DGKE: variants seen among roughly 807,000 people sequenced by gnomAD.
The protein encoded by DGKE is DAG kinase epsilon.
DGKE carries 53 observed loss-of-function variants against 70.0 expected under a neutral mutation model. The observed-to-expected ratio is 0.76, with a 90% CI of 0.61 to 0.95. The LOEUF is 0.95. Ranked by LOEUF, DGKE falls within the 40% of genes least tolerant of loss-of-function variation. The pLI, the probability that DGKE is intolerant of heterozygous loss-of-function variation, is 0.00. For missense variants in DGKE, 655 were observed against 706.9 expected (o/e 0.93, Z 0.83); for synonymous variants, 291 against 257.0 (o/e 1.13, Z -1.27).
intron 8 of DGKE, 56 bp from the exon 9 acceptor site, chr17:56,858,538 T>C (rs1908088784): frequency 7.0e-7 from 1 of 1,423,388 alleles, no homozygotes; most frequent in Non-Finnish European, 9.6e-7. Context: ...TATTTTTTCT[T>C]ATTGTTTACA....
intron 2 of DGKE, among the ~76,000 whole-genome samples, chr17:56,840,173 A>G (rs1356942030): frequency 6.6e-6 from 1 of 152,178 alleles, no homozygotes; most frequent in Non-Finnish European, 1.5e-5. Context: ...TCAAAAAATA[A>G]TAGTAATAAT....
At chr17:56,838,053 A>G (rs557011286) in intron 2 of DGKE, among the ~76,000 whole-genome samples, 1 of 152,268 alleles carries the variant, frequency 6.6e-6, no homozygotes, top group South Asian at 2.1e-4. Context: ...TACATATTCA[A>G]TATATTTATT....
chr17:56,834,879 C>T lies in DGKE; in HGVS notation c.84C>T (p.Cys28=), dbSNP rs1433783652. ...GGCACCTGATCTTGTGGACGCTGTG[C>T]TCGGTCCTGCTGCCGGTGTTCATCA... The part of the protein sequence containing the change: ...ADGHLILWTL[C]SVLLPVFITF... Residue 28 remains cysteine, a synonymous_variant, in exon 2 of 12, where the codon TGC becomes TGT. Coordinates refer to ENST00000284061, the MANE Select transcript of DGKE (RefSeq NM_003647.3). 6.2e-7 allele frequency: 1 copy of T among 1,613,462 alleles called. No homozygotes were observed. The highest frequency in any genetic ancestry group is 1.7e-5 in the Admixed American group (1 of 60,028).
intron 2 of DGKE, among the ~76,000 whole-genome samples, chr17:56,840,176 GTAA>G (rs1224656183): frequency 6.6e-6 from 1 of 152,012 alleles, no homozygotes; most frequent in African/African-American, 2.4e-5. Flanking sequence ...AAAAATAATA[GTAA>G]TAATAATAAT....
At position 56,834,987 on chromosome 17, in the gene DGKE, C is replaced by G. The variant is rs1450878792; in HGVS notation, c.192C>G (p.Asp64Glu). The change falls in exon 2 of 12, where the codon GAC becomes GAG. Residue 64 changes from aspartate (D) to glutamate (E), a missense_variant. Physicochemically the swap from Asp to Glu is conservative, Grantham distance 45. Coordinates refer to ENST00000284061, the MANE Select transcript of DGKE (RefSeq NM_003647.3). ...GCAAGAGCAAGCACGGGTGGCGCGA[C>G]ACGGACCTGTTCAGCCAGCCCACCT... ...IFRKSKHGWR[D>E]TDLFSQPTYC... is the part of the protein sequence containing the mutation. The G allele has an allele frequency of 1.9e-6, 3 of 1,612,624 alleles. No homozygotes were observed. In the Admixed American group the frequency reaches 5.0e-5, roughly 27 times the overall value.
At chr17:56,843,813 A>AAAAAT (rs1907131280) in intron 2 of DGKE, among the ~76,000 whole-genome samples, 1 of 151,670 alleles carries the variant, frequency 6.6e-6, no homozygotes, top group Admixed American at 6.6e-5. Context: ...AAAAAAAAAA[A>AAAAAT]AGTGCTGTTA....
At position 56,852,796 on chromosome 17, in the gene DGKE, C is replaced by T. The variant is rs181262694; in HGVS notation, c.1098+3564C>T. 6.6e-4 allele frequency among the ~76,000 whole-genome samples: 101 copies of T among 152,278 alleles called. 1 individual carries two copies. The highest frequency in any genetic ancestry group is 8.8e-5 in the Non-Finnish European group (6 of 68,020). On this transcript the variant is annotated intron_variant, in intron 7 of 11. Coordinates refer to ENST00000284061, the MANE Select transcript of DGKE (RefSeq NM_003647.3). ...TATAGCTCATTGTGGTTTTCATTTG[C>T]AATTCTCTGATGATTAGAAATGTTG...
At chr17:56,834,671 C>A in intron 1 of DGKE, 107 bp from the exon 2 acceptor site, 1 of 1,045,354 alleles carries the variant, frequency 9.6e-7, no homozygotes, top group Non-Finnish European at 1.4e-6. Context: ...CTCGGGAGAG[C>A]GGAGCCACCT....
intron 1 of DGKE, 138 bp from the exon 2 acceptor site, chr17:56,834,640 G>A: frequency 1.2e-6 from 1 of 808,448 alleles, no homozygotes; most frequent in Non-Finnish European, 2.0e-6. Flanking sequence ...GGGAGACGGG[G>A]GGACGAGGCG....
intron 2 of DGKE, among the ~76,000 whole-genome samples, chr17:56,840,858 A>C (rs1906934678): frequency 3.3e-5 from 5 of 152,188 alleles, no homozygotes; most frequent in Admixed American, 3.3e-4. Context: ...ACAGCATTTA[A>C]TTAGGTGCCT....
At chr17:56,838,427 T>C (rs373868093) in intron 2 of DGKE, 1 of 152,258 alleles carries the variant, frequency 6.6e-6, no homozygotes, top group African/African-American at 2.4e-5. Context: ...CATAATTACT[T>C]AACTCTGCCA....
chr17:56,843,935 TTTTTAACAA>T lies in DGKE; in HGVS notation c.465-83_465-75del. The T allele has an allele frequency of 3.0e-6, 4 of 1,344,110 alleles. 1 individual carries two copies. Among genetic ancestry groups the T allele is most frequent in the Non-Finnish European group, 4.0e-6 (4 of 1,006,228 alleles). The allele number at this position is 1,344,110 out of a possible 1,614,324, so 83.3% of individuals were successfully genotyped here. On this transcript the variant is annotated intron_variant, in intron 2 of 11. Coordinates refer to ENST00000284061, the MANE Select transcript of DGKE (RefSeq NM_003647.3). ...AAGTAGTGATAAAATTATGTTTTAT[TTTTTAACAA>T]AAATGATTGTTTTGTGGGTTATCAT...
intron 2 of DGKE, among the ~76,000 whole-genome samples, chr17:56,839,988 A>G (rs1180595275): frequency 6.6e-6 from 1 of 152,092 alleles, no homozygotes; most frequent in African/African-American, 2.4e-5. Flanking sequence ...AATATGGAGA[A>G]ACCCCATCTC....
intron 2 of DGKE, among the ~76,000 whole-genome samples, chr17:56,839,167 C>A (rs1906810986): frequency 6.6e-6 from 1 of 151,968 alleles, no homozygotes; most frequent in South Asian, 2.1e-4. Context: ...AGTTTACTTT[C>A]AAATGATCAA....
intron 4 of DGKE, chr17:56,847,331 A>G (rs1036708368): frequency 3.5e-5 from 4 of 113,664 alleles, no homozygotes; most frequent in African/African-American, 1.3e-4. Context: ...TAGTAGATAA[A>G]CTATAACTTT....
chr17:56,839,795 G>T (rs1906853742), intron 2 of DGKE, among the ~76,000 whole-genome samples: 2 of 151,994 alleles, frequency 1.3e-5, no homozygotes, highest in Non-Finnish European at 2.9e-5. Context: ...TGCTGGGATT[G>T]CAGGCGTAAG....
Position 56,845,734 on chromosome 17 carries a change from G to C in DGKE, c.669G>C (p.Leu223=). The C allele has an allele frequency of 6.2e-7, 1 of 1,612,282 alleles. No homozygotes were observed. Residue 223 remains leucine, a synonymous_variant, in exon 4 of 12, where the codon CTG becomes CTC. Coordinates refer to ENST00000284061, the MANE Select transcript of DGKE (RefSeq NM_003647.3). ...AGCAGTGGACCCCATTAATAATCCT[G>C]GCCAACTCTCGTAGTGGAACTAATA... ...LGKQWTPLII[L]ANSRSGTNMG...
At chr17:56,840,938 A>G (rs1386984439) in intron 2 of DGKE, among the ~76,000 whole-genome samples, 3 of 150,908 alleles carry the variant, frequency 2.0e-5, no homozygotes, top group Admixed American at 2.0e-4. Flanking sequence ...TGTGAGCAAC[A>G]TAGTGAGACA....
Position 56,862,383 on chromosome 17 carries a change from G to C in DGKE, c.1524+132G>C, listed in dbSNP as rs1033238657. 8.7e-6 allele frequency: 8 copies of C among 923,120 alleles called. No homozygotes were observed. In the African/African-American group the frequency reaches 1.3e-4, roughly 15 times the overall value. The allele number at this position is 923,120 out of a possible 1,614,324, so 57.2% of individuals were successfully genotyped here. On this transcript the variant is annotated intron_variant, in intron 11 of 11. Coordinates refer to ENST00000284061, the MANE Select transcript of DGKE (RefSeq NM_003647.3). ...TCATGCAGCTGGTCACTGTACACTAGCGGCTAGAGTGGGATGAGGAAGAAA... is the reference window on the plus strand; with the variant it reads ...TCATGCAGCTGGTCACTGTACACTACCGGCTAGAGTGGGATGAGGAAGAAA...
Sources: allele counts gnomAD v4.1 joint callset (sites outside exome capture counted in the v4.1 genomes callset), GRCh38; gene constraint gnomAD v4.1.1; transcripts MANE v1.5; gene names NCBI Gene and HGNC (gene_info 2026-07-23, HGNC 2026-07-21).